The following PSMD12 variants were observed in gnomAD, a reference collection of about 807,000 sequenced individuals.
The protein encoded by PSMD12 is 26S proteasome non-ATPase regulatory subunit 12.
Under a neutral mutation model 62.9 loss-of-function variants are expected in PSMD12, and 8 were observed. That is an observed-to-expected ratio of 0.13 (90% CI 0.07 to 0.23). The LOEUF (loss-of-function observed/expected upper bound fraction) is 0.23, where lower values mean the gene tolerates loss of function less well. PSMD12 is among the 10% of genes least tolerant of loss of function. The pLI, the probability that PSMD12 is intolerant of heterozygous loss-of-function variation, is 1.00. For synonymous variants in PSMD12, 173 were observed against 187.4 expected (o/e 0.92, Z 0.63); for missense variants, 424 against 550.2 (o/e 0.77, Z 2.29).
At chr17:67,348,725 T>C (rs1310454998) in intron 4 of PSMD12, 71 bp from the exon 5 acceptor site, 1 of 1,366,356 alleles carries the variant, frequency 7.3e-7, no homozygotes, top group East Asian at 2.3e-5. Context: ...AGGCTGGGTA[T>C]GTTGGCTCAC....
At chr17:67,359,418 ATC>A (rs966147435) in intron 1 of PSMD12, among the ~76,000 whole-genome samples, 1 of 152,234 alleles carries the variant, frequency 6.6e-6, no homozygotes, top group Non-Finnish European at 1.5e-5. Context: ...TCATGTAAAT[ATC>A]TCTGACAATA....
intron 1 of PSMD12, among the ~76,000 whole-genome samples, chr17:67,360,789 T>C (rs2042121746): frequency 6.6e-6 from 1 of 152,250 alleles, no homozygotes; most frequent in Non-Finnish European, 1.5e-5. Context: ...GGCACTCACC[T>C]GATCTGTATT....
chr17:67,352,086 A>C (rs2042024109), intron 3 of PSMD12, among the ~76,000 whole-genome samples: 1 of 151,816 alleles, frequency 6.6e-6, no homozygotes, highest in African/African-American at 2.4e-5. Flanking sequence ...CTCTCAAAAA[A>C]AAAAAAAAAA....
chr17:67,355,363 A>T (rs998867593), intron 3 of PSMD12: 4 of 152,298 alleles, frequency 2.6e-5, no homozygotes, highest in Non-Finnish European at 4.4e-5. Context: ...AAGTGCTGGT[A>T]TTACAGGTGT....
intron 1 of PSMD12, among the ~76,000 whole-genome samples, chr17:67,363,558 G>A (rs1195336484): frequency 6.6e-6 from 1 of 152,164 alleles, no homozygotes; most frequent in African/African-American, 2.4e-5. Context: ...AGTTTGATCT[G>A]CCTTGAATAA....
chr17:67,345,616 T>C (rs977627322), intron 8 of PSMD12, 129 bp downstream of exon 8: 5 of 725,544 alleles, frequency 6.9e-6, no homozygotes, highest in Non-Finnish European at 1.2e-5. Context: ...CACTCCAGTG[T>C]GGGCAACAAT....
chr17:67,363,134 A>G (rs1166861270), intron 1 of PSMD12, among the ~76,000 whole-genome samples: 1 of 152,036 alleles, frequency 6.6e-6, no homozygotes, highest in African/African-American at 2.4e-5. Flanking sequence ...CATCTAATAC[A>G]TTATTAAGTC....
At position 67,366,494 on chromosome 17, in the gene PSMD12, G is replaced by C. The variant is rs1482373926; in HGVS notation, c.26C>G (p.Ala9Gly). ...CTCCATCTTGACGATGCGCCCGTCA[G>C]CCCGCTCCGAGCCGCCGTCCGCCAT... Reference protein sequence around the residue: MADGGSERADGRIVKMEVD... With the variant: MADGGSERGDGRIVKMEVD... The change falls in exon 1 of 11, where the codon GCT becomes GGT. Residue 9 changes from alanine to glycine, a missense_variant. Coordinates refer to ENST00000356126, the MANE Select transcript of PSMD12 (RefSeq NM_002816.5). 9.9e-6 allele frequency: 16 copies of C among 1,608,884 alleles called. No homozygotes were observed. Among genetic ancestry groups the C allele is most frequent in the Non-Finnish European group, 1.4e-5 (16 of 1,178,784 alleles).
intron 1 of PSMD12, among the ~76,000 whole-genome samples, chr17:67,358,567 C>CAAAAAAAAAAAAAAAAAAGAAAAAAA (rs2042099018): frequency 1.3e-5 from 1 of 74,076 alleles, no homozygotes; most frequent in African/African-American, 5.4e-5. Context: ...GAACCTGTCT[C>CAAAAAAAAAAAAAAAAAAGAAAAAAA]AAAAAAAAAA....
chr17:67,344,592 T>C lies in PSMD12; in HGVS notation c.1083+14A>G. The C allele has an allele frequency of 6.3e-7, 1 of 1,580,128 alleles. No individual in the cohort carries two copies. Among genetic ancestry groups the C allele is most frequent in the South Asian group, 1.1e-5 (1 of 87,454 alleles). On this transcript the variant is annotated intron_variant, in intron 9 of 10. Coordinates refer to ENST00000356126, the MANE Select transcript of PSMD12 (RefSeq NM_002816.5). ...GTTAAAATAAAAATTGTCATCTCTA[T>C]GACAGATTCTTACATGTTCAACAAC...
chr17:67,361,206 T>C (rs963292706), intron 1 of PSMD12: 1 of 152,226 alleles, frequency 6.6e-6, no homozygotes, highest in African/African-American at 2.4e-5. Context: ...TAAGTTCTGT[T>C]TGCACCTCCT....
intron 1 of PSMD12, among the ~76,000 whole-genome samples, chr17:67,365,108 C>T (rs1232201031): frequency 6.7e-6 from 1 of 149,648 alleles, no homozygotes; most frequent in African/African-American, 2.5e-5. Flanking sequence ...CGTTTGAACC[C>T]GGGAGGCGGG....
At chr17:67,363,925 G>A (rs533344166) in intron 1 of PSMD12, among the ~76,000 whole-genome samples, 62 of 151,954 alleles carry the variant, frequency 4.1e-4, no homozygotes, top group African/African-American at 1.4e-3. Flanking sequence ...GGTGCATGCC[G>A]GTAATCCCAG....
chr17:67,349,106 A>C (rs969084728), intron 4 of PSMD12, among the ~76,000 whole-genome samples: 6 of 151,838 alleles, frequency 4.0e-5, no homozygotes, highest in African/African-American at 1.5e-4. Flanking sequence ...CACAACCTCT[A>C]CCTCCCGGGT....
chr17:67,353,370 G>C (rs543321356), intron 3 of PSMD12, among the ~76,000 whole-genome samples: 2 of 149,894 alleles, frequency 1.3e-5, no homozygotes, highest in South Asian at 4.3e-4. Flanking sequence ...GCTAGAGTGC[G>C]ATCTTGGCTC....
chr17:67,344,661 G>A lies in PSMD12; in HGVS notation c.1028C>T (p.Ser343Phe). Residue 343 changes from serine to phenylalanine, a missense_variant, in exon 9 of 11, where the codon TCT becomes TTT. Ser to Phe is a radical substitution (Grantham distance 155). Transcript: ENST00000356126. Reference sequence around the variant, plus strand: ...CCACCTTTTTTCACCTTCCTCTGTAGAACCAAAAACATCCGTTGCAGGACT... The same window carrying A: ...CCACCTTTTTTCACCTTCCTCTGTAAAACCAAAAACATCCGTTGCAGGACT... ...LESPATDVFGSTEEGEKRWKD... is the reference protein window; with the variant it reads ...LESPATDVFGFTEEGEKRWKD... 9.9e-6 allele frequency: 16 copies of A among 1,613,238 alleles called. No individual in the cohort carries two copies. Among genetic ancestry groups the A allele is most frequent in the Non-Finnish European group, 1.4e-5 (16 of 1,179,498 alleles).
Position 67,340,757 on chromosome 17 carries a change from G to GA in PSMD12, c.*85dup, listed in dbSNP as rs2041905835. On this transcript the variant is annotated 3_prime_UTR_variant, in exon 11 of 11. Transcript: ENST00000356126. ...TTAAAATTTAAGACAAAGAAGCTTA[G>GA]AAAAAAAACCCCAACATATACACCA... 62 of 1,092,518 alleles carry GA rather than the reference G, an allele frequency of 5.7e-5. No homozygotes were observed. Among genetic ancestry groups the GA allele is most frequent in the Middle Eastern group, 2.1e-4 (1 of 4,792 alleles). 67.7% of individuals were successfully genotyped at this position (1,092,518 alleles called of 1,614,324 possible). A position where few individuals can be genotyped will look rare whatever the true frequency, so the allele number is the denominator to read the frequency against.
At position 67,347,471 on chromosome 17, in the gene PSMD12, C is replaced by T. The variant is rs760443645; in HGVS notation, c.525G>A (p.Gly175=). Residue 175 remains glycine (G), a synonymous_variant, in exon 6 of 11, where the codon GGG becomes GGA. Coordinates refer to ENST00000356126, the MANE Select transcript of PSMD12 (RefSeq NM_002816.5). The part of the protein sequence containing the change: ...ILQELQVETY[G]SMEKKERVEF... ...CCACTCGCTCTTTCTTTTCCATTGACCCGTAGGTTTCCACCTAGCACAGTA... is the reference window on the plus strand; with the variant it reads ...CCACTCGCTCTTTCTTTTCCATTGATCCGTAGGTTTCCACCTAGCACAGTA... 2.5e-6 allele frequency: 4 copies of T among 1,613,084 alleles called. No homozygotes were observed. In the African/African-American group the frequency reaches 4.0e-5, roughly 16 times the overall value.
At position 67,340,119 on chromosome 17, in the gene PSMD12, C is replaced by G. The variant is rs968372621; in HGVS notation, c.*724G>C. 2 of 137,960 alleles carry G rather than the reference C, an allele frequency of 1.4e-5. No homozygotes were observed. The highest frequency in any genetic ancestry group is 3.1e-5 in the Non-Finnish European group (2 of 64,566). 8.5% of individuals were successfully genotyped at this position (137,960 alleles called of 1,614,324 possible). A position where few individuals can be genotyped will look rare whatever the true frequency, so the allele number is the denominator to read the frequency against. On this transcript the variant is annotated 3_prime_UTR_variant, in exon 11 of 11. Transcript: ENST00000356126. The stretch of plus-strand genomic sequence containing the variant: ...AAAAAAAAAAAAAAAAAAGTAGTCA[C>G]TATCCCTATAGAGCGGACTTAACAC...
Sources: allele counts gnomAD v4.1 joint callset (sites outside exome capture counted in the v4.1 genomes callset), GRCh38; gene constraint gnomAD v4.1.1; transcripts MANE v1.5; gene names NCBI Gene and HGNC (gene_info 2026-07-23, HGNC 2026-07-21).